SLFN12L: variants seen among roughly 807,000 people sequenced by gnomAD.
The protein encoded by SLFN12L is schlafen family member 12 like.
Under a neutral mutation model 34.8 loss-of-function variants are expected in SLFN12L, and 34 were observed. The ratio of observed to expected loss-of-function variants is 0.98; its 90% CI spans 0.74 to 1.30. The LOEUF is 1.30. SLFN12L is among the 50% of genes most tolerant of loss of function. SLFN12L has a pLI of 0.00. For missense variants in SLFN12L, 703 were observed against 696.2 expected (o/e 1.01, Z -0.11); for synonymous variants, 259 against 247.5 (o/e 1.05, Z -0.44).
At chr17:35,489,768 A>G (rs1165122039) in intron 2 of SLFN12L, among the ~76,000 whole-genome samples, 1 of 152,234 alleles carries the variant, frequency 6.6e-6, no homozygotes, top group Non-Finnish European at 1.5e-5. Flanking sequence ...ATCCTCAGAA[A>G]GAATACATAT....
chr17:35,493,708 A>C (rs1352237324), intron 2 of SLFN12L, among the ~76,000 whole-genome samples: 1 of 152,204 alleles, frequency 6.6e-6, no homozygotes, highest in Non-Finnish European at 1.5e-5. Context: ...TTTAAGTACA[A>C]AGTTAGGTAT....
Position 35,491,072 on chromosome 17 carries a change from T to A in SLFN12L, c.87-10877A>T, listed in dbSNP as rs528365728. ...CCAAATTCCTTCTAATCCTCTAGTA[T>A]GACCATTTGTGAACTTACTGCCTCC... On this transcript the variant is annotated intron_variant, in intron 2 of 4. Transcript: ENST00000628453. The A allele has an allele frequency of 4.7e-5, 37 of 782,438 alleles. No homozygotes were observed. In the African/African-American group the frequency reaches 5.7e-4, roughly 12 times the overall value. The allele number at this position is 782,438 out of a possible 1,614,324, so 48.5% of individuals were successfully genotyped here.
rs200279692 is a variant in SLFN12L at position 35,492,960 on chromosome 17, A to G, written c.87-12765T>C. ...TTGAATTGAAAATATCCCTTAGGGG[A>G]AAAAAAAAACACACACACACACAAG... is the stretch of plus-strand genomic sequence containing the variant. On this transcript the variant is annotated intron_variant, in intron 2 of 4. Transcript: ENST00000628453. Among the ~76,000 whole-genome samples the G allele has an allele frequency of 1.1e-3, 91 of 80,606 alleles. 1 individual carries two copies. The highest frequency in any genetic ancestry group is 3.6e-3 in the African/African-American group (53 of 14,662). The allele number at this position is 80,606 out of a possible 152,430, so 52.9% of individuals were successfully genotyped here. A position where few individuals can be genotyped will look rare whatever the true frequency, so the allele number is the denominator to read the frequency against.
chr17:35,513,184 G>GTT (rs1277540005), intron 2 of SLFN12L, among the ~76,000 whole-genome samples: 2 of 152,236 alleles, frequency 1.3e-5, no homozygotes, highest in African/African-American at 4.8e-5. Flanking sequence ...CAAAAGTACT[G>GTT]TTTAAGGGAT....
At position 35,530,513 on chromosome 17, in the gene SLFN12L, A is replaced by AG. The variant is rs1448004237; in HGVS notation, c.-606+7059_-606+7060insC. Among the ~76,000 whole-genome samples the AG allele has an allele frequency of 1.4e-3, 47 of 32,608 alleles. 2 individuals carry two copies. Among genetic ancestry groups the AG allele is most frequent in the African/African-American group, 4.9e-3 (45 of 9,256 alleles). 21.4% of individuals were successfully genotyped at this position (32,608 alleles called of 152,430 possible). On this transcript the variant is annotated intron_variant, in intron 1 of 4. Transcript: ENST00000628453. ...GAAAGAAAGAAAGAAAGAAAGAAAG[A>AG]AAAGAAAAGAAAAGAAAAGAAAAGA... is the stretch of plus-strand genomic sequence containing the variant.
At chr17:35,477,698 G>A (rs765896172) in intron 4 of SLFN12L, among the ~76,000 whole-genome samples, 13 of 151,888 alleles carry the variant, frequency 8.6e-5, no homozygotes, top group Non-Finnish European at 1.9e-4. Context: ...AATAAATACC[G>A]ATTTGACTGA....
rs1916028732 is a variant in SLFN12L at position 35,522,515 on chromosome 17, C to T, written c.-151G>A. On this transcript the variant is annotated 5_prime_UTR_variant, in exon 2 of 5. Transcript: ENST00000628453. Reference sequence around the variant, plus strand: ...AGCTGCACAGGTCACTCAAGAGAGACCTGAAGCCGAGCAAGACAATCACGA... The same window carrying T: ...AGCTGCACAGGTCACTCAAGAGAGATCTGAAGCCGAGCAAGACAATCACGA... 1 of 1,612,704 alleles carries T rather than the reference C, an allele frequency of 6.2e-7. No homozygotes were observed. Among genetic ancestry groups the T allele is most frequent in the Non-Finnish European group, 8.5e-7 (1 of 1,179,266 alleles).
At chr17:35,529,370 A>C (rs2142175647) in intron 1 of SLFN12L, among the ~76,000 whole-genome samples, 1 of 152,354 alleles carries the variant, frequency 6.6e-6, no homozygotes, top group African/African-American at 2.4e-5. Flanking sequence ...ATTATAAATT[A>C]TTCTGCTATA....
chr17:35,509,242 A>C (rs564474122), intron 2 of SLFN12L, among the ~76,000 whole-genome samples: 2 of 152,332 alleles, frequency 1.3e-5, no homozygotes, highest in Admixed American at 1.3e-4. Flanking sequence ...GGAAGCACCA[A>C]GGGTGACGTT....
In SLFN12L at chr17:35,489,712, T is replaced by C. The variant is rs73989730; in HGVS notation, c.87-9517A>G. ...CATTAATGAAAAAAGGAACATCACA[T>C]GATCATTTCAATAGATACCGAAAAA... On this transcript the variant is annotated intron_variant, in intron 2 of 4. Transcript: ENST00000628453. Among the ~76,000 whole-genome samples, 1,107 of 152,272 alleles carry C rather than the reference T, an allele frequency of 7.3e-3. 17 individuals carry two copies. The highest frequency in any genetic ancestry group is 0.025 in the African/African-American group (1,033 of 41,540).
At chr17:35,532,013 C>T (rs1164981767) in intron 1 of SLFN12L, among the ~76,000 whole-genome samples, 2 of 152,092 alleles carry the variant, frequency 1.3e-5, no homozygotes, top group Non-Finnish European at 2.9e-5. Context: ...ATCTTTTCTT[C>T]TCCCTTTAAG....
intron 1 of SLFN12L, among the ~76,000 whole-genome samples, chr17:35,530,383 A>T (rs1332083052): frequency 0.068 from 593 of 8,760 alleles, 81 homozygotes; most frequent in East Asian, 0.57. Context: ...GGAAGGAAGG[A>T]AGGAAGGAAG....
intron 2 of SLFN12L, 28 bp from the exon 3 acceptor site, chr17:35,480,223 G>A (rs1174578398): frequency 2.9e-5 from 43 of 1,502,384 alleles, no homozygotes; most frequent in Non-Finnish European, 3.6e-5. Context: ...TAGAATAGGA[G>A]TTAAGCCTGA....
intron 1 of SLFN12L, among the ~76,000 whole-genome samples, chr17:35,529,841 A>G (rs1291941064): frequency 6.6e-6 from 1 of 152,148 alleles, no homozygotes; most frequent in Non-Finnish European, 1.5e-5. Flanking sequence ...CTTAAAGTAT[A>G]ATAAGAAAAG....
rs529301816 is a variant in SLFN12L at position 35,481,141 on chromosome 17, G to A, written c.87-946C>T. 2.0e-4 allele frequency among the ~76,000 whole-genome samples: 31 copies of A among 152,342 alleles called. No individual in the cohort carries two copies. The East Asian group carries it at 5.2e-3, about 26-fold the overall frequency. ...CTTCTAGAGGGCTGCCTGGCCTAGC[G>A]GTAACACCAGCGCCAGGGAAGGCAC... On this transcript the variant is annotated intron_variant, in intron 2 of 4. Coordinates refer to ENST00000628453, the MANE Select transcript of SLFN12L (RefSeq NM_001363830.2).
intron 2 of SLFN12L, among the ~76,000 whole-genome samples, chr17:35,500,934 T>C (rs1000301372): frequency 6.6e-6 from 1 of 152,162 alleles, no homozygotes; most frequent in Admixed American, 6.5e-5. Flanking sequence ...TTGTAAGCCC[T>C]TAAAAGGGAC....
At chr17:35,512,810 A>G (rs1175496924) in intron 2 of SLFN12L, among the ~76,000 whole-genome samples, 2 of 152,240 alleles carry the variant, frequency 1.3e-5, no homozygotes, top group Non-Finnish European at 2.9e-5. Context: ...GCATTAGACC[A>G]AAGCCAATTA....
rs1390890039 is a variant in SLFN12L, at chr17:35,531,126, G to A, written c.-606+6447C>T. ...AAATAAAGGGAATAATAAATGTAAG[G>A]GCAGGAGGAAATTGAAAAATTAAAA... On this transcript the variant is annotated intron_variant, in intron 1 of 4. Transcript: ENST00000628453. 2.0e-5 allele frequency among the ~76,000 whole-genome samples: 3 copies of A among 152,056 alleles called. No homozygotes were observed. The East Asian group carries it at 5.8e-4, about 29-fold the overall frequency.
intron 1 of SLFN12L, among the ~76,000 whole-genome samples, chr17:35,526,138 A>T (rs1411019708): frequency 6.6e-6 from 1 of 152,236 alleles, no homozygotes; most frequent in African/African-American, 2.4e-5. Flanking sequence ...TAAAGGGATC[A>T]ATGCAACAAA....
Sources: gnomAD v4.1 joint callset for allele counts (sites outside exome capture counted in the v4.1 genomes callset) on GRCh38, gnomAD v4.1.1 for gene constraint, MANE v1.5 for transcripts, NCBI Gene and HGNC (gene_info 2026-07-23, HGNC 2026-07-21) for gene names.